The following MGAM variants were observed in gnomAD, a reference collection of about 807,000 sequenced individuals.
The protein encoded by MGAM is maltase-glucoamylase, also known as alpha-1,4-glucosidase.
In MGAM, 253 loss-of-function variants were observed where a neutral mutation model predicts 358.8. That is an observed-to-expected ratio of 0.71 (90% CI 0.64 to 0.78). The LOEUF (loss-of-function observed/expected upper bound fraction) is 0.78. Ranked by LOEUF, MGAM falls within the 30% of genes least tolerant of loss-of-function variation. The probability of loss-of-function intolerance (pLI) is 0.00; values close to 1 mark genes in which losing one functional copy is unlikely to be tolerated. For missense variants in MGAM, 3,080 were observed against 3,432.6 expected (o/e 0.90, Z 2.57); for synonymous variants, 1,105 against 1,227.1 (o/e 0.90, Z 2.08).
intron 57 of MGAM, among the ~76,000 whole-genome samples, chr7:142,091,446 T>G (rs1815378496): frequency 6.8e-6 from 1 of 146,030 alleles, no homozygotes; most frequent in South Asian, 2.2e-4. Context: ...TGTACTGGTC[T>G]TATATCCTGA....
At chr7:142,091,522 T>C (rs1215031380) in intron 57 of MGAM, among the ~76,000 whole-genome samples, 2 of 145,802 alleles carry the variant, frequency 1.4e-5, no homozygotes, top group Admixed American at 1.4e-4. Flanking sequence ...CCCTGGGTGT[T>C]TCTTCCTAAC....
At chr7:142,044,958 ACGTGT>A (rs1377681886) in intron 21 of MGAM, among the ~76,000 whole-genome samples, 35 of 105,696 alleles carry the variant, frequency 3.3e-4, no homozygotes, top group African/African-American at 1.2e-3. Context: ...TATTATATAC[ACGTGT>A]AATATATGAT....
intron 28 of MGAM, 82 bp from the exon 29 acceptor site, chr7:142,055,918 T>TA: frequency 6.7e-7 from 1 of 1,481,694 alleles, no homozygotes; most frequent in Non-Finnish European, 9.2e-7. Context: ...TAGAGCCATG[T>TA]TAGCAAGCAC....
In MGAM at chr7:142,044,205, TACATTATATACACATAC is replaced by T. The variant is rs1809613012; in HGVS notation, c.2498+3360_2498+3376del. On this transcript the variant is annotated intron_variant, in intron 21 of 70. Coordinates refer to ENST00000475668, the MANE Select transcript of MGAM (RefSeq NM_001365693.1). ...CATACGACATATAATATATAATATA[TACATTATATACACATAC>T]GACATATAATATATACATTATATAC... is the stretch of plus-strand genomic sequence containing the variant. Among the ~76,000 whole-genome samples, 5 of 136,302 alleles carry T rather than the reference TACATTATATACACATAC, an allele frequency of 3.7e-5. 1 individual carries two copies. The highest frequency in any genetic ancestry group is 6.4e-5 in the Non-Finnish European group (4 of 62,090). The allele number at this position is 136,302 out of a possible 152,430, so 89.4% of individuals were successfully genotyped here.
rs782167847 is a variant in MGAM, at chr7:142,030,726, G to A, written c.1439G>A (p.Ser480Asn). 1 of 1,611,714 alleles carries A rather than the reference G, an allele frequency of 6.2e-7. No homozygotes were observed. Residue 480 changes from serine to asparagine, a missense_variant, in exon 12 of 71, where the codon AGT becomes AAT. Ser to Asn is a conservative substitution (Grantham distance 46). This residue lies in a region of MGAM where 1,816 missense variants were observed against 1,840.5 expected (regional missense o/e 0.99). Transcript: ENST00000475668. ...RGSDMKIWVN[S>N]SDGVTPLIGE... ...TCAGATATGAAGATATGGGTGAATA[G>A]TTCAGATGGAGTGACTCCACTCATT...
At chr7:142,057,361 G>T (rs1463162765) in intron 30 of MGAM, among the ~76,000 whole-genome samples, 1 of 151,282 alleles carries the variant, frequency 6.6e-6, no homozygotes, top group Non-Finnish European at 1.5e-5. Context: ...TGATAGTGGT[G>T]GTGATGGTGA....
At position 142,069,785 on chromosome 7, in the gene MGAM, C is replaced by T. The variant is rs1254833402; in HGVS notation, c.5061+1082C>T. On this transcript the variant is annotated intron_variant, in intron 43 of 70. Coordinates refer to ENST00000475668, the MANE Select transcript of MGAM (RefSeq NM_001365693.1). ...AGGAAGAGGTGGCCAGCTTTCTTTA[C>T]GTGAGACTGGCCTTTGTCCTGAGTG... Among the ~76,000 whole-genome samples the T allele has an allele frequency of 5.5e-5, 8 of 145,714 alleles. 1 individual carries two copies. Among genetic ancestry groups the T allele is most frequent in the Admixed American group, 1.4e-4 (2 of 14,450 alleles).
chr7:142,064,053 A>T (rs1353383997), intron 36 of MGAM, among the ~76,000 whole-genome samples: 1 of 152,186 alleles, frequency 6.6e-6, no homozygotes, highest in Non-Finnish European at 1.5e-5. Flanking sequence ...CAGTTTGCTA[A>T]ATTGTAAAAG....
intron 26 of MGAM, among the ~76,000 whole-genome samples, chr7:142,053,653 GC>G (rs1563170448): frequency 1.3e-5 from 2 of 152,144 alleles, no homozygotes; most frequent in Admixed American, 1.3e-4. Context: ...ACAGGAATGT[GC>G]CCTTTCCTGT....
chr7:142,045,129 A>G (rs1198437447), intron 21 of MGAM, among the ~76,000 whole-genome samples: 1 of 59,276 alleles, frequency 1.7e-5, no homozygotes, highest in Non-Finnish European at 3.4e-5. Context: ...ATGATATATA[A>G]TATGTATATT....
chr7:142,012,339 A>G (rs372542102), intron 3 of MGAM, among the ~76,000 whole-genome samples: 1 of 152,200 alleles, frequency 6.6e-6, no homozygotes. Context: ...TTCTTGCTGC[A>G]TCCTCACATG....
At chr7:142,105,570 G>A (rs983585533) in intron 70 of MGAM, among the ~76,000 whole-genome samples, 6 of 152,150 alleles carry the variant, frequency 3.9e-5, no homozygotes, top group Non-Finnish European at 5.9e-5. Flanking sequence ...TTACCGGCGT[G>A]AGCCACCGCA....
chr7:142,053,596 G>A lies in MGAM; in HGVS notation c.3159+612G>A, dbSNP rs369440303. Among the ~76,000 whole-genome samples, 5 of 152,248 alleles carry A rather than the reference G, an allele frequency of 3.3e-5. 1 individual carries two copies. The highest frequency in any genetic ancestry group is 1.2e-4 in the African/African-American group (5 of 41,532). ...TTAATTGCATTTAAGGACTAGGGAT[G>A]GACTAGCTGTGATGTCTATTTTTCT... On this transcript the variant is annotated intron_variant, in intron 26 of 70. Coordinates refer to ENST00000475668, the MANE Select transcript of MGAM (RefSeq NM_001365693.1).
At chr7:142,022,190 A>G in intron 6 of MGAM, 78 bp from the exon 7 acceptor site, 1 of 1,359,324 alleles carries the variant, frequency 7.4e-7, no homozygotes, top group Non-Finnish European at 1.0e-6. Flanking sequence ...ACTGAGATAT[A>G]AAGGACGCTT....
intron 26 of MGAM, among the ~76,000 whole-genome samples, chr7:142,054,442 TA>T (rs1327493412): frequency 6.6e-6 from 1 of 152,102 alleles, no homozygotes; most frequent in Non-Finnish European, 1.5e-5. Flanking sequence ...AAGTTATTTA[TA>T]TATACTCATA....
Position 142,083,432 on chromosome 7 carries a change from G to T in MGAM, c.6381+19G>T. On this transcript the variant is annotated intron_variant, in intron 53 of 70. Coordinates refer to ENST00000475668, the MANE Select transcript of MGAM (RefSeq NM_001365693.1). ...CACTGAGGTAGGGAGAAATCCAATTGTTTATCAAGTACTTATATAGCACAT... is the reference window on the plus strand; with the variant it reads ...CACTGAGGTAGGGAGAAATCCAATTTTTTATCAAGTACTTATATAGCACAT... 5 of 1,491,880 alleles carry T rather than the reference G, an allele frequency of 3.4e-6. No individual in the cohort carries two copies. The highest frequency in any genetic ancestry group is 4.6e-6 in the Non-Finnish European group (5 of 1,081,868). 92.4% of individuals were successfully genotyped at this position (1,491,880 alleles called of 1,614,324 possible).
intron 1 of MGAM, among the ~76,000 whole-genome samples, chr7:142,000,663 T>C (rs781938627): frequency 3.3e-5 from 5 of 152,244 alleles, no homozygotes; most frequent in African/African-American, 1.2e-4. Context: ...GCTGTCTCTA[T>C]GGATATTTAC....
At chr7:142,037,336 T>C (rs2129008840) in intron 18 of MGAM, among the ~76,000 whole-genome samples, 1 of 152,336 alleles carries the variant, frequency 6.6e-6, no homozygotes, top group East Asian at 1.9e-4. Context: ...TTGACTGTGA[T>C]GGTCTCATCT....
rs147788908 is a variant in MGAM, at chr7:142,091,833, C to T, written c.6811-80C>T. On this transcript the variant is annotated intron_variant, in intron 57 of 70. Coordinates refer to ENST00000475668, the MANE Select transcript of MGAM (RefSeq NM_001365693.1). ...TCACCATGCAGTTGAAGTATTTGTG[C>T]GAGTTGCATTCTCAGTAAGTGCCTG... 3.8e-3 allele frequency: 5,051 copies of T among 1,343,642 alleles called. 271 individuals are homozygous for T. The African/African-American group carries it at 0.056, about 15-fold the overall frequency. The allele number at this position is 1,343,642 out of a possible 1,614,324, so 83.2% of individuals were successfully genotyped here. A position where few individuals can be genotyped will look rare whatever the true frequency, so the allele number is the denominator to read the frequency against.
Sources: allele counts gnomAD v4.1 joint callset (sites outside exome capture counted in the v4.1 genomes callset), GRCh38; gene constraint gnomAD v4.1.1; regional missense constraint gnomAD v4.1.1; transcripts MANE v1.5; gene names NCBI Gene and HGNC (gene_info 2026-07-23, HGNC 2026-07-21).